SLC48A1: variants seen among roughly 807,000 people sequenced by gnomAD.
The protein encoded by SLC48A1 is heme transporter HRG1.
In SLC48A1, 6 loss-of-function variants were observed where a neutral mutation model predicts 14.8. The ratio of observed to expected loss-of-function variants is 0.41; its 90% CI spans 0.22 to 0.80. The LOEUF (loss-of-function observed/expected upper bound fraction) is 0.80, where lower values mean the gene tolerates loss of function less well. Among genes scored for constraint, SLC48A1 ranks in the 30% least tolerant of loss-of-function variants. The probability of loss-of-function intolerance (pLI) is 0.34; values close to 1 mark genes in which losing one functional copy is unlikely to be tolerated. For synonymous variants in SLC48A1, 89 were observed against 90.0 expected (o/e 0.99, Z 0.06); for missense variants, 165 against 204.8 (o/e 0.81, Z 1.19).
intron 1 of SLC48A1, among the ~76,000 whole-genome samples, chr12:47,774,344 T>C (rs977534248): frequency 6.6e-6 from 1 of 152,246 alleles, no homozygotes; most frequent in African/African-American, 2.4e-5. Context: ...CCTGCTTCCC[T>C]TATTTCATTT....
chr12:47,770,892 G>C (rs1330460081), upstream of SLC48A1: 1 of 456,604 alleles, frequency 2.2e-6, no homozygotes, highest in African/African-American at 2.0e-5. Context: ...TCTTCCCTCT[G>C]CGCCATCACA....
chr12:47,769,397 GT>G (rs1470369627), upstream of SLC48A1: 1 of 152,272 alleles, frequency 6.6e-6, no homozygotes, highest in Non-Finnish European at 1.5e-5. Flanking sequence ...GAGAAGATGT[GT>G]ATGAGTGGTG....
chr12:47,778,995 C>A (rs73105899), intron 1 of SLC48A1, 33 bp from the exon 2 acceptor site: 9 of 1,544,140 alleles, frequency 5.8e-6, no homozygotes, highest in East Asian at 2.5e-5. Flanking sequence ...CTGGAGCACC[C>A]TGGGGATGGG....
chr12:47,760,497 A>C, intron 2 of SLC48A1: 1 of 747,488 alleles, frequency 1.3e-6, no homozygotes, highest in Non-Finnish European at 1.6e-6. Flanking sequence ...AGGCTTCCTG[A>C]GACTGGCAGT....
At chr12:47,763,817 G>A (rs1456115271) in intron 2 of SLC48A1, among the ~76,000 whole-genome samples, 1 of 152,246 alleles carries the variant, frequency 6.6e-6, no homozygotes, top group Non-Finnish European at 1.5e-5. Context: ...GGGGCTCACA[G>A]TCAGGGCTGG....
At chr12:47,766,315 C>T (rs1449071356) in intron 2 of SLC48A1, among the ~76,000 whole-genome samples, 1 of 152,156 alleles carries the variant, frequency 6.6e-6, no homozygotes, top group East Asian at 1.9e-4. Context: ...TCCCCTCCTG[C>T]CCTCAAGCCT....
chr12:47,779,420 C>T (rs574527546), intron 2 of SLC48A1, among the ~76,000 whole-genome samples: 19 of 152,322 alleles, frequency 1.2e-4, no homozygotes, highest in South Asian at 4.2e-4. Flanking sequence ...GTGCATAGCC[C>T]ATACAAGCAC....
intron 1 of SLC48A1, 21 bp downstream of exon 1, chr12:47,773,461 G>T (rs1942672026): frequency 7.6e-7 from 1 of 1,320,540 alleles, no homozygotes; most frequent in Non-Finnish European, 9.7e-7. Context: ...ACGCTGGGCG[G>T]CGCGGGGCGG....
chr12:47,776,097 G>A (rs1942746359), intron 1 of SLC48A1, among the ~76,000 whole-genome samples: 1 of 152,186 alleles, frequency 6.6e-6, no homozygotes, highest in African/African-American at 2.4e-5. Flanking sequence ...TTCCTCCTAG[G>A]AAGGAATAGA....
intron 1 of SLC48A1, among the ~76,000 whole-genome samples, chr12:47,774,309 A>G (rs1189166758): frequency 6.6e-6 from 1 of 152,216 alleles, no homozygotes; most frequent in Non-Finnish European, 1.5e-5. Context: ...AATGCTTTCT[A>G]TGTGTCAGGC....
chr12:47,757,905 C>T (rs1228162589), upstream of SLC48A1: 3 of 1,557,158 alleles, frequency 1.9e-6, no homozygotes, highest in Non-Finnish European at 1.7e-6. Context: ...GCTGGTGCTC[C>T]AGCAGCAGCT....
upstream of SLC48A1, chr12:47,773,185 G>C (rs1258206979): frequency 2.1e-5 from 21 of 995,182 alleles, no homozygotes; most frequent in Non-Finnish European, 1.7e-5. Context: ...GGCGGGCCGG[G>C]GGCGGAGCGC....
intron 1 of SLC48A1, chr12:47,758,919 T>G: frequency 1.3e-3 from 1,336 of 1,010,688 alleles, no homozygotes; most frequent in East Asian, 0.01. Context: ...CCCCCTGCGC[T>G]GCCCGCCCCC....
chr12:47,757,921 G>A (rs749960218), upstream of SLC48A1: 5 of 1,556,698 alleles, frequency 3.2e-6, no homozygotes, highest in African/African-American at 1.4e-5. Context: ...CAGCTGGTAG[G>A]AGCAGCTTCG....
chr12:47,768,186 A>T (rs1942556540), upstream of SLC48A1, among the ~76,000 whole-genome samples: 1 of 152,190 alleles, frequency 6.6e-6, no homozygotes, highest in African/African-American at 2.4e-5. Context: ...CATGTTGGCC[A>T]GGCTGGCCTC....
At position 47,780,568 on chromosome 12, in the gene SLC48A1, CTTTTTTTTTTTT is replaced by C. The variant is rs60379857; in HGVS notation, c.*292_*303del. On this transcript the variant is annotated 3_prime_UTR_variant, in exon 3 of 3. Coordinates refer to ENST00000442218, the MANE Select transcript of SLC48A1 (RefSeq NM_017842.3). ...GTTTTCTTTTCTTTCTTTTTTTTTTCTTTTTTTTTTTTTTTTGAGATGGAGTCTTACTCTGTC... is the reference window on the plus strand; with the variant it reads ...GTTTTCTTTTCTTTCTTTTTTTTTTCTTTTGAGATGGAGTCTTACTCTGTC... 2.9e-6 allele frequency: 1 copy of C among 341,252 alleles called. No individual in the cohort carries two copies. The highest frequency in any genetic ancestry group is 2.5e-5 in the African/African-American group (1 of 39,986). The allele number at this position is 341,252 out of a possible 1,614,324, so 21.1% of individuals were successfully genotyped here. A position where few individuals can be genotyped will look rare whatever the true frequency, so the allele number is the denominator to read the frequency against.
intron 1 of SLC48A1, among the ~76,000 whole-genome samples, chr12:47,775,768 A>G (rs1279432244): frequency 6.6e-6 from 1 of 152,164 alleles, no homozygotes; most frequent in Non-Finnish European, 1.5e-5. Context: ...GAGCAGAGTC[A>G]TGGAGCCCCT....
chr12:47,773,169 G>C, upstream of SLC48A1: 1 of 985,640 alleles, frequency 1.0e-6, no homozygotes, highest in Non-Finnish European at 1.2e-6. Context: ...TGCGGGCGGC[G>C]CTGGGGGCGG....
intron 1 of SLC48A1, 87 bp from the exon 2 acceptor site, chr12:47,778,932 ATATTCTTGG>A (rs1942805655): frequency 3.7e-6 from 5 of 1,335,084 alleles, no homozygotes; most frequent in Non-Finnish European, 5.0e-6. Flanking sequence ...AGACAAGACC[ATATTCTTGG>A]TATTCTTATG....
Sources: gnomAD v4.1 joint callset for allele counts (sites outside exome capture counted in the v4.1 genomes callset) on GRCh38, gnomAD v4.1.1 for gene constraint, MANE v1.5 for transcripts, NCBI Gene and HGNC (gene_info 2026-07-23, HGNC 2026-07-21) for gene names.